The following UBR4 variants were observed in gnomAD, a reference collection of about 807,000 sequenced individuals.
UBR4 encodes ubiquitin protein ligase E3 component n-recognin 4.
Under a neutral mutation model 575.6 loss-of-function variants are expected in UBR4, and 124 were observed. The observed-to-expected ratio is 0.22, with a 90% CI of 0.19 to 0.25. The LOEUF (loss-of-function observed/expected upper bound fraction) is 0.25. UBR4 is among the 10% of genes least tolerant of loss of function. UBR4 has a pLI of 1.00. For synonymous variants in UBR4, 2,455 were observed against 2,473.7 expected, an observed-to-expected ratio of 0.99 and a Z score of 0.22; for missense variants, 4,818 against 6,478.8, an observed-to-expected ratio of 0.74 and a Z score of 8.80.
chr1:19,093,941 T>C lies in UBR4; in HGVS notation c.13937+8A>G. On this transcript the variant is annotated splice_region_variant and intron_variant, in intron 95 of 105. Transcript: ENST00000375254. This position sits in a 1 kb window ranked among gnomAD's most constrained non-coding sequence, Gnocchi z 4.8. ...CTCATTTCACTATATGAAATCAAAGTAACATACTTATCAAAGTTGCAGTAT... is the reference window on the plus strand; with the variant it reads ...CTCATTTCACTATATGAAATCAAAGCAACATACTTATCAAAGTTGCAGTAT... 6.2e-7 allele frequency: 1 copy of C among 1,611,098 alleles called. No individual in the cohort carries two copies. The highest frequency in any genetic ancestry group is 8.5e-7 in the Non-Finnish European group (1 of 1,177,756).
intron 27 of UBR4, among the ~76,000 whole-genome samples, 157 bp from the exon 28 acceptor site, chr1:19,168,341 T>C (rs1187757436): frequency 6.6e-6 from 1 of 152,104 alleles, no homozygotes; most frequent in Admixed American, 6.5e-5. Flanking sequence ...GGAAGGGAAG[T>C]GGGGTACAGA....
Position 19,140,889 on chromosome 1 carries a change from C to T in UBR4, c.8492G>A (p.Ser2831Asn). The T allele has an allele frequency of 6.2e-7, 1 of 1,607,046 alleles. No homozygotes were observed. The highest frequency in any genetic ancestry group is 1.7e-4 in the Middle Eastern group (1 of 6,040). ...CTGCAGGCCCAGGGCACTGCTGCTG[C>T]TGCCTGGGAAACAAGTGGAGAGTGA... Reference protein sequence around the residue: ...ALSLQQDQQGSSSSALGLQSL... With the variant: ...ALSLQQDQQGNSSSALGLQSL... The change falls in exon 58 of 106, where the codon AGC becomes AAC. Residue 2831 changes from serine (S) to asparagine (N), a missense_variant. By Grantham distance (46) the Ser-to-Asn change is conservative (BLOSUM62 1). Coordinates refer to ENST00000375254, the MANE Select transcript of UBR4 (RefSeq NM_020765.3).
rs140645974 is a variant in UBR4, at chr1:19,127,564, G to C, written c.9228+59C>G. ...GACTACCACCTCTGTGCTGGCCCTA[G>C]CACTACCCAGACAATCCGCTTACCT... On this transcript the variant is annotated intron_variant, in intron 63 of 105. Coordinates refer to ENST00000375254, the MANE Select transcript of UBR4 (RefSeq NM_020765.3). The C allele has an allele frequency of 8.8e-4, 1,190 of 1,351,006 alleles. 1 individual carries two copies. The highest frequency in any genetic ancestry group is 1.1e-3 in the Non-Finnish European group (1,040 of 941,760). The allele number at this position is 1,351,006 out of a possible 1,614,324, so 83.7% of individuals were successfully genotyped here.
chr1:19,152,506 GTC>G lies in UBR4; in HGVS notation c.6833-32_6833-31del. 6.2e-7 allele frequency: 1 copy of G among 1,612,490 alleles called. No homozygotes were observed. Among genetic ancestry groups the G allele is most frequent in the South Asian group, 1.1e-5 (1 of 90,968 alleles). On this transcript the variant is annotated intron_variant, in intron 46 of 105. Coordinates refer to ENST00000375254, the MANE Select transcript of UBR4 (RefSeq NM_020765.3). The surrounding 1 kb of genome is among the most constrained non-coding windows in gnomAD (Gnocchi z 4.4). ...AGAGAACGGTACCAGATCGTCAAGA[GTC>G]TCTCCCACCTCTGCCCCAACACCAC...
At chr1:19,208,535 T>C (rs1218092225) in intron 1 of UBR4, among the ~76,000 whole-genome samples, 1 of 151,846 alleles carries the variant, frequency 6.6e-6, no homozygotes, top group African/African-American at 2.4e-5. Context: ...CCCATCAGTT[T>C]GGACTTATTT....
chr1:19,209,721 G>A (rs1451465579), intron 1 of UBR4, among the ~76,000 whole-genome samples: 1 of 152,224 alleles, frequency 6.6e-6, no homozygotes, highest in African/African-American at 2.4e-5. Context: ...AGGAGGATGA[G>A]TGCGGGCGAG....
intron 105 of UBR4, among the ~76,000 whole-genome samples, chr1:19,076,414 ATCT>A (rs2075947243): frequency 6.6e-6 from 1 of 152,134 alleles, no homozygotes; most frequent in Admixed American, 6.5e-5. Context: ...CACTTATTTG[ATCT>A]TCAGAGCCTC....
At position 19,117,793 on chromosome 1, in the gene UBR4, C is replaced by T. The variant is rs375429352; in HGVS notation, c.10629+30G>A. ...AGAATCCCACTGGACCTATTGGCCT[C>T]AGGACTGTCCATGTACAGATGTTAC... On this transcript the variant is annotated intron_variant, in intron 72 of 105. Coordinates refer to ENST00000375254, the MANE Select transcript of UBR4 (RefSeq NM_020765.3). The surrounding 1 kb of genome is among the most constrained non-coding windows in gnomAD (Gnocchi z 4.0). 26 of 1,602,970 alleles carry T rather than the reference C, an allele frequency of 1.6e-5. No homozygotes were observed. Among genetic ancestry groups the T allele is most frequent in the Admixed American group, 1.3e-4 (8 of 59,964 alleles).
intron 55 of UBR4, among the ~76,000 whole-genome samples, chr1:19,142,784 T>C (rs953766443): frequency 1.3e-5 from 2 of 152,254 alleles, no homozygotes; most frequent in African/African-American, 4.8e-5. Flanking sequence ...AAATAATTAG[T>C]AAATCAATTT....
At chr1:19,107,997 T>A (rs2079412320) in intron 81 of UBR4, among the ~76,000 whole-genome samples, 1 of 152,224 alleles carries the variant, frequency 6.6e-6, no homozygotes. Flanking sequence ...GTTTCTATAG[T>A]TAAATTGTCA....
chr1:19,117,878 T>C lies in UBR4; in HGVS notation c.10574A>G (p.Tyr3525Cys), dbSNP rs763877252. 14 of 1,614,038 alleles carry C rather than the reference T, an allele frequency of 8.7e-6. No individual in the cohort carries two copies. The highest frequency in any genetic ancestry group is 3.3e-5 in the South Asian group (3 of 91,086). Residue 3525 changes from tyrosine (Y) to cysteine (C), a missense_variant, in exon 72 of 106, where the codon TAT (tyrosine) becomes TGT (cysteine). Coordinates refer to ENST00000375254, the MANE Select transcript of UBR4 (RefSeq NM_020765.3). This position sits in a 1 kb window ranked among gnomAD's most constrained non-coding sequence, Gnocchi z 4.0. The part of the protein sequence containing the change: ...TLSGLVEFDG[Y>C]YLESDPCLVC... ...CAGGCAGGGATCGCTCTCCAGGTAA[T>C]AGCCATCAAACTCCACTAAGCCAGA...
intron 11 of UBR4, among the ~76,000 whole-genome samples, chr1:19,188,334 A>C (rs1257432617): frequency 1.3e-5 from 2 of 151,674 alleles, no homozygotes; most frequent in African/African-American, 4.8e-5. Context: ...TGGGAAGATC[A>C]CTTGAGCCCA....
rs1302509408 is a variant in UBR4 at position 19,177,451 on chromosome 1, T to C, written c.2637+10A>G. On this transcript the variant is annotated intron_variant, in intron 19 of 105. Coordinates refer to ENST00000375254, the MANE Select transcript of UBR4 (RefSeq NM_020765.3). The stretch of plus-strand genomic sequence containing the variant: ...AATGGTGAAGCAAAAAAGAACGTGT[T>C]GGTCTGTACCTGCTCAAATAGATAC... 6.2e-7 allele frequency: 1 copy of C among 1,608,344 alleles called. No homozygotes were observed. Among genetic ancestry groups the C allele is most frequent in the Non-Finnish European group, 8.5e-7 (1 of 1,175,532 alleles).
intron 17 of UBR4, among the ~76,000 whole-genome samples, chr1:19,183,322 T>A (rs1466812620): frequency 6.6e-6 from 1 of 152,102 alleles, no homozygotes; most frequent in Non-Finnish European, 1.5e-5. Flanking sequence ...AAAGACATAT[T>A]TTTTTTTCTG....
intron 12 of UBR4, 27 bp from the exon 13 acceptor site, chr1:19,187,328 T>A: frequency 6.2e-7 from 1 of 1,610,720 alleles, no homozygotes; most frequent in South Asian, 1.1e-5. Flanking sequence ...CAAAGGGCAA[T>A]TAATGATACT....
At chr1:19,135,468 A>C (rs938820319) in intron 60 of UBR4, among the ~76,000 whole-genome samples, 2 of 152,230 alleles carry the variant, frequency 1.3e-5, no homozygotes, top group South Asian at 4.1e-4. Context: ...ATGGCTCTAT[A>C]TCAATTTGAA....
In UBR4 at chr1:19,157,796, C is replaced by T; in HGVS notation, c.5760+19G>A. The T allele has an allele frequency of 6.2e-7, 1 of 1,610,124 alleles. No homozygotes were observed. The highest frequency in any genetic ancestry group is 8.5e-7 in the Non-Finnish European group (1 of 1,176,982). ...GACAATATGACCTAAAGTAAGCGCA[C>T]AAGAATTGGAGGACCCACCTTGCCC... On this transcript the variant is annotated intron_variant, in intron 40 of 105. Transcript: ENST00000375254. The surrounding 1 kb of genome is among the most constrained non-coding windows in gnomAD (Gnocchi z 4.4).
Position 19,110,026 on chromosome 1 carries a change from G to C in UBR4, c.12105+70C>G. ...AAAGCGGAGACCATGAGGAGGCAGG[G>C]CACACTGCCAGGGAATGAGGAGGGT... is the stretch of plus-strand genomic sequence containing the variant. On this transcript the variant is annotated intron_variant, in intron 81 of 105. Coordinates refer to ENST00000375254, the MANE Select transcript of UBR4 (RefSeq NM_020765.3). This position sits in a 1 kb window ranked among gnomAD's most constrained non-coding sequence, Gnocchi z 4.5. 1 of 1,602,458 alleles carries C rather than the reference G, an allele frequency of 6.2e-7. No individual in the cohort carries two copies. The highest frequency in any genetic ancestry group is 8.5e-7 in the Non-Finnish European group (1 of 1,174,178).
At chr1:19,203,566 C>T (rs1465441936) in intron 1 of UBR4, among the ~76,000 whole-genome samples, 1 of 152,012 alleles carries the variant, frequency 6.6e-6, no homozygotes, top group Admixed American at 6.6e-5. Flanking sequence ...CATTCACTGC[C>T]TGCAAGACTA....
Sources: gnomAD v4.1 joint callset for allele counts (sites outside exome capture counted in the v4.1 genomes callset) on GRCh38, gnomAD v4.1.1 for gene constraint, Gnocchi (gnomAD v3.1) non-coding constraint, MANE v1.5 for transcripts, NCBI Gene and HGNC (gene_info 2026-07-23, HGNC 2026-07-21) for gene names.